The following EFNA5 variants were observed in gnomAD, a reference collection of about 807,000 sequenced individuals.
EFNA5 encodes ephrin A5, also known as ephrin-A5.
A neutral mutation model predicts 22.9 loss-of-function variants in EFNA5; 5 were observed. That is an observed-to-expected ratio of 0.22 (90% confidence interval 0.11 to 0.46). The LOEUF (loss-of-function observed/expected upper bound fraction) is 0.46, where lower values mean the gene tolerates loss of function less well. Ranked by LOEUF, EFNA5 falls within the 20% of genes least tolerant of loss-of-function variation. EFNA5 has a pLI of 0.99. For synonymous variants in EFNA5, 113 were observed against 112.2 expected (o/e 1.01, Z -0.04); for missense variants, 237 against 293.3 (o/e 0.81, Z 1.40).
chr5:107,401,585 C>T (rs1342284376), intron 2 of EFNA5, among the ~76,000 whole-genome samples: 1 of 152,192 alleles, frequency 6.6e-6, no homozygotes, highest in Non-Finnish European at 1.5e-5. Context: ...TATTTAATTA[C>T]AAATCTTCTG....
At chr5:107,635,470 C>T (rs556095722) in intron 1 of EFNA5, among the ~76,000 whole-genome samples, 1 of 152,302 alleles carries the variant, frequency 6.6e-6, no homozygotes, top group South Asian at 2.1e-4. Flanking sequence ...CAACATGCAA[C>T]CCATTAACTG....
intron 1 of EFNA5, among the ~76,000 whole-genome samples, chr5:107,536,479 G>T (rs1747931114): frequency 6.6e-6 from 1 of 152,054 alleles, no homozygotes; most frequent in East Asian, 1.9e-4. Context: ...ACTACTGGTG[G>T]TCACATACAT....
At chr5:107,557,178 T>C (rs531990642) in intron 1 of EFNA5, among the ~76,000 whole-genome samples, 11 of 152,278 alleles carry the variant, frequency 7.2e-5, no homozygotes, top group African/African-American at 2.2e-4. Context: ...ACAGATCGTA[T>C]CTGTGGCTGT....
chr5:107,545,531 CATTA>C (rs1371794021), intron 1 of EFNA5, among the ~76,000 whole-genome samples: 6 of 152,244 alleles, frequency 3.9e-5, no homozygotes, highest in Middle Eastern at 3.4e-3. Flanking sequence ...TGCATCCATT[CATTA>C]ATTAAGGATG....
chr5:107,395,964 T>C lies in EFNA5; in HGVS notation c.419-8193A>G, dbSNP rs560506490. Reference sequence around the variant, plus strand: ...CTTTGCCCCTCTGTGTGATACCCTATGAGGGTGGCTGTTAACCGTTAGGCA... The same window carrying C: ...CTTTGCCCCTCTGTGTGATACCCTACGAGGGTGGCTGTTAACCGTTAGGCA... On this transcript the variant is annotated intron_variant, in intron 2 of 4. Transcript: ENST00000333274. Among the ~76,000 whole-genome samples, 375 of 152,316 alleles carry C rather than the reference T, an allele frequency of 2.5e-3. 3 individuals carry two copies. Among genetic ancestry groups the C allele is most frequent in the African/African-American group, 8.5e-3 (355 of 41,560 alleles).
chr5:107,519,349 T>C (rs1747549549), intron 1 of EFNA5, among the ~76,000 whole-genome samples: 1 of 152,250 alleles, frequency 6.6e-6, no homozygotes, highest in South Asian at 2.1e-4. Context: ...TGTTTACCTT[T>C]TCATAACTCC....
intron 1 of EFNA5, among the ~76,000 whole-genome samples, chr5:107,563,680 A>T (rs891787207): frequency 3.9e-5 from 6 of 151,992 alleles, no homozygotes; most frequent in Non-Finnish European, 8.8e-5. Context: ...GCCACAAGTG[A>T]TCCTCCCACC....
At chr5:107,579,615 A>T (rs986169345) in intron 1 of EFNA5, among the ~76,000 whole-genome samples, 3 of 133,774 alleles carry the variant, frequency 2.2e-5, no homozygotes, top group Non-Finnish European at 4.8e-5. Context: ...GCCACAGTTA[A>T]TAGTATTATA....
intron 1 of EFNA5, among the ~76,000 whole-genome samples, chr5:107,650,908 T>A (rs1750715485): frequency 6.6e-6 from 1 of 152,200 alleles, no homozygotes; most frequent in Admixed American, 6.5e-5. Flanking sequence ...AAAGAACCAG[T>A]CCACGAAACA....
At chr5:107,537,619 C>T (rs1434874378) in intron 1 of EFNA5, among the ~76,000 whole-genome samples, 3 of 152,210 alleles carry the variant, frequency 2.0e-5, no homozygotes, top group East Asian at 3.9e-4. Context: ...AACAAAAACA[C>T]TTGTCCATTC....
chr5:107,414,201 C>T (rs1194397383), intron 2 of EFNA5, among the ~76,000 whole-genome samples: 2 of 152,098 alleles, frequency 1.3e-5, no homozygotes, highest in Admixed American at 1.3e-4. Context: ...AAGAATTTGA[C>T]TTTTTACCTA....
chr5:107,468,249 A>G (rs1245419234), intron 1 of EFNA5, among the ~76,000 whole-genome samples: 1 of 152,252 alleles, frequency 6.6e-6, no homozygotes, highest in Non-Finnish European at 1.5e-5. Flanking sequence ...TTATACTTGT[A>G]GCTTTAAATA....
chr5:107,610,715 G>C (rs990481818), intron 1 of EFNA5, among the ~76,000 whole-genome samples: 1 of 152,010 alleles, frequency 6.6e-6, no homozygotes, highest in Non-Finnish European at 1.5e-5. Context: ...TAAATTCCAT[G>C]AATATTTGAA....
At chr5:107,609,176 A>G (rs1160764995) in intron 1 of EFNA5, among the ~76,000 whole-genome samples, 1 of 152,212 alleles carries the variant, frequency 6.6e-6, no homozygotes, top group Non-Finnish European at 1.5e-5. Flanking sequence ...TATACAATGT[A>G]ATTAAAAGGG....
chr5:107,413,058 A>C (rs2112404356), intron 2 of EFNA5, among the ~76,000 whole-genome samples: 3 of 152,286 alleles, frequency 2.0e-5, no homozygotes, highest in Middle Eastern at 3.4e-3. Flanking sequence ...TAAGAAAACC[A>C]CTTATTAAAC....
At chr5:107,585,939 G>C (rs1369379333) in intron 1 of EFNA5, among the ~76,000 whole-genome samples, 4 of 152,138 alleles carry the variant, frequency 2.6e-5, no homozygotes, top group African/African-American at 4.8e-5. Context: ...GCTTTGGATA[G>C]CACAGTGAGT....
chr5:107,553,224 C>A (rs1748337091), intron 1 of EFNA5, among the ~76,000 whole-genome samples: 1 of 152,188 alleles, frequency 6.6e-6, no homozygotes, highest in South Asian at 2.1e-4. Context: ...TGTGGGCAGG[C>A]AGCGGCCATG....
chr5:107,527,372 T>C (rs395904), intron 1 of EFNA5, among the ~76,000 whole-genome samples: 59,176 of 151,322 alleles, frequency 0.39, 15,887 homozygotes, highest in African/African-American at 0.76. Flanking sequence ...CTGCAACATC[T>C]GCCTCCCAGG....
intron 1 of EFNA5, among the ~76,000 whole-genome samples, chr5:107,488,615 T>C (rs945634600): frequency 2.0e-5 from 3 of 152,254 alleles, no homozygotes; most frequent in Non-Finnish European, 4.4e-5. Context: ...CCTGGTTTTA[T>C]TATGACTCAC....
Sources: gnomAD v4.1 joint callset for allele counts (sites outside exome capture counted in the v4.1 genomes callset) on GRCh38, gnomAD v4.1.1 for gene constraint, MANE v1.5 for transcripts, NCBI Gene and HGNC (gene_info 2026-07-23, HGNC 2026-07-21) for gene names.